Variants in SLC36A1 observed in about 807,000 individuals in gnomAD.
SLC36A1 encodes the protein proton-coupled amino acid transporter 1.
Under a neutral mutation model 47.5 loss-of-function variants are expected in SLC36A1, and 30 were observed. The observed-to-expected ratio is 0.63, with a 90% CI of 0.47 to 0.86. The LOEUF is 0.86. Ranked by LOEUF, SLC36A1 falls within the 40% of genes least tolerant of loss-of-function variation. The pLI is 0.00. For synonymous variants in SLC36A1, 255 were observed against 249.7 expected (o/e 1.02, Z -0.20); for missense variants, 517 against 606.0 (o/e 0.85, Z 1.54).
intron 4 of SLC36A1, 124 bp from the exon 5 acceptor site, chr5:151,464,950 T>G: frequency 1.3e-6 from 1 of 750,684 alleles, no homozygotes; most frequent in Non-Finnish European, 2.4e-6. Context: ...GATACAGGAC[T>G]CAGAGTGGTA....
At chr5:151,357,793 G>C in the SLC36A1 span, among the ~76,000 whole-genome samples, 2 of 152,208 alleles carry the variant, frequency 1.3e-5, no homozygotes, top group Admixed American at 1.3e-4. Flanking sequence ...CATGAACTCT[G>C]TGCCTTCTTG....
chr5:151,467,986 TA>T (rs1338622350), intron 7 of SLC36A1, 61 bp downstream of exon 7: 1 of 1,448,532 alleles, frequency 6.9e-7, no homozygotes, highest in Non-Finnish European at 9.6e-7. Flanking sequence ...CCAGGCGTGG[TA>T]GCTCATGCCT....
chr5:151,523,112 C>T, the SLC36A1 span, among the ~76,000 whole-genome samples: 2 of 152,108 alleles, frequency 1.3e-5, no homozygotes, highest in African/African-American at 4.8e-5. Context: ...ATCTTGTTCA[C>T]CTGCACTCCA....
chr5:151,531,948 G>A, the SLC36A1 span: 1 of 1,614,090 alleles, frequency 6.2e-7, no homozygotes, highest in African/African-American at 1.3e-5. The surrounding 1 kb of genome is among the most constrained non-coding windows in gnomAD (Gnocchi z 5.7). Context: ...CCGGCAGAGA[G>A]TAAACCACCT....
the SLC36A1 span, among the ~76,000 whole-genome samples, chr5:151,555,175 G>A: frequency 2.9e-4 from 44 of 152,192 alleles, no homozygotes; most frequent in East Asian, 2.7e-3. Context: ...TAATGCAGAG[G>A]CAAATAATCA....
chr5:151,545,167 A>T, the SLC36A1 span: 1 of 1,614,218 alleles, frequency 6.2e-7, no homozygotes, highest in Non-Finnish European at 8.5e-7. Context: ...AAGAATCACC[A>T]GTGCCTTTCT....
At chr5:151,479,075 A>G (rs972343580) in intron 9 of SLC36A1, among the ~76,000 whole-genome samples, 3 of 152,172 alleles carry the variant, frequency 2.0e-5, no homozygotes, top group African/African-American at 7.2e-5. Context: ...TAACATTTAA[A>G]TTGTTTTCAG....
At chr5:151,546,443 A>T in the SLC36A1 span, 1 of 741,208 alleles carries the variant, frequency 1.3e-6, no homozygotes, top group Non-Finnish European at 2.2e-6. Flanking sequence ...GACAGAGCAA[A>T]ATCTGCATAT....
rs357624 is a variant in SLC36A1, at chr5:151,469,140, A to T, written c.723+1215A>T. 49 of 599,438 alleles carry T rather than the reference A, an allele frequency of 8.2e-5. No individual in the cohort carries two copies. In the Middle Eastern group the frequency reaches 1.0e-3, roughly 12 times the overall value. 37.1% of individuals were successfully genotyped at this position (599,438 alleles called of 1,614,324 possible). The stretch of plus-strand genomic sequence containing the variant: ...AGTTCCCCAAATAATTCATCAGTAC[A>T]TATTCATTAAAATGCAGACAACACA... On this transcript the variant is annotated intron_variant, in intron 7 of 10. Coordinates refer to ENST00000243389, the MANE Select transcript of SLC36A1 (RefSeq NM_078483.4).
At chr5:151,414,530 A>C in the SLC36A1 span, among the ~76,000 whole-genome samples, 1 of 152,172 alleles carries the variant, frequency 6.6e-6, no homozygotes, top group Non-Finnish European at 1.5e-5. Context: ...ATCCTGTTTC[A>C]TCTGTCGTTG....
chr5:151,399,042 A>G, the SLC36A1 span, among the ~76,000 whole-genome samples: 1 of 141,238 alleles, frequency 7.1e-6, no homozygotes, highest in East Asian at 2.0e-4. Flanking sequence ...TAATGTGTGT[A>G]TATATATATG....
chr5:151,507,272 G>A, the SLC36A1 span: 2 of 1,614,182 alleles, frequency 1.2e-6, no homozygotes, highest in African/African-American at 1.3e-5. Context: ...GCTTAGAATT[G>A]GGTCCAAATG....
chr5:151,391,445 A>C, the SLC36A1 span, among the ~76,000 whole-genome samples: 8 of 152,178 alleles, frequency 5.3e-5, no homozygotes, highest in Admixed American at 2.6e-4. Flanking sequence ...TATGTTGAAT[A>C]GGAGTGGTGA....
At chr5:151,507,402 C>T in the SLC36A1 span, 2 of 1,614,082 alleles carry the variant, frequency 1.2e-6, no homozygotes, top group Admixed American at 3.3e-5. Flanking sequence ...AACACCAACA[C>T]TCCTGGCCAG....
At chr5:151,550,814 G>A in the SLC36A1 span, 10 of 1,613,852 alleles carry the variant, frequency 6.2e-6, no homozygotes, top group South Asian at 2.2e-5. Context: ...ACTTCATAAC[G>A]AGTTTCCAGA....
chr5:151,345,125 A>G, the SLC36A1 span, among the ~76,000 whole-genome samples: 1 of 152,306 alleles, frequency 6.6e-6, no homozygotes, highest in South Asian at 2.1e-4. Flanking sequence ...GAGGCACTCT[A>G]TTAGCGGAAT....
At chr5:151,350,051 T>C in the SLC36A1 span, among the ~76,000 whole-genome samples, 2 of 152,170 alleles carry the variant, frequency 1.3e-5, no homozygotes, top group Non-Finnish European at 2.9e-5. Flanking sequence ...TCCTTTGGGC[T>C]AGAAGTCAGA....
At chr5:151,487,308 C>T (rs1034873642) in intron 10 of SLC36A1, among the ~76,000 whole-genome samples, 10 of 152,228 alleles carry the variant, frequency 6.6e-5, no homozygotes, top group Non-Finnish European at 1.2e-4. Context: ...GCACCTCCTG[C>T]GGCAGTGCAC....
the SLC36A1 span, among the ~76,000 whole-genome samples, chr5:151,379,420 G>A: frequency 3.3e-5 from 5 of 152,186 alleles, no homozygotes; most frequent in Non-Finnish European, 7.3e-5. Context: ...TGCAACCTCC[G>A]CCTCCCGGGT....
Sources: allele counts gnomAD v4.1 joint callset (sites outside exome capture counted in the v4.1 genomes callset), GRCh38; gene constraint gnomAD v4.1.1; non-coding constraint Gnocchi (gnomAD v3.1); transcripts MANE v1.5; gene names NCBI Gene and HGNC (gene_info 2026-07-23, HGNC 2026-07-21).